TAFA5: variants seen among roughly 807,000 people sequenced by gnomAD.
TAFA5 encodes TAFA chemokine like family member 5.
A neutral mutation model predicts 15.3 loss-of-function variants in TAFA5; 6 were observed. That is an observed-to-expected ratio of 0.39 (90% confidence interval 0.21 to 0.77). TAFA5 has a LOEUF of 0.77. Ranked by LOEUF, TAFA5 falls within the 30% of genes least tolerant of loss-of-function variation. The pLI, the probability that TAFA5 is intolerant of heterozygous loss-of-function variation, is 0.41. For synonymous variants in TAFA5, 103 were observed against 80.7 expected, an observed-to-expected ratio of 1.28 and a Z score of -1.48; for missense variants, 161 against 193.1, an observed-to-expected ratio of 0.83 and a Z score of 0.98.
At chr22:48,592,179 C>T (rs755755095) in intron 1 of TAFA5, among the ~76,000 whole-genome samples, 3 of 152,210 alleles carry the variant, frequency 2.0e-5, no homozygotes, top group Admixed American at 2.0e-4. Flanking sequence ...GGTGCTGACC[C>T]TGTGCCAGTG....
intron 1 of TAFA5, among the ~76,000 whole-genome samples, chr22:48,529,711 C>T (rs987640174): frequency 2.0e-5 from 3 of 151,656 alleles, no homozygotes; most frequent in South Asian, 2.1e-4. Context: ...CAGGGGTCTC[C>T]GACCAGGCTG....
chr22:48,609,912 C>G (rs911149329), intron 1 of TAFA5, among the ~76,000 whole-genome samples: 2 of 152,242 alleles, frequency 1.3e-5, no homozygotes, highest in African/African-American at 4.8e-5. Flanking sequence ...GTGTCCTAAC[C>G]TCCTCTTGTA....
intron 2 of TAFA5, among the ~76,000 whole-genome samples, chr22:48,695,198 T>C (rs924388735): frequency 6.6e-6 from 1 of 152,100 alleles, no homozygotes; most frequent in Admixed American, 6.6e-5. Flanking sequence ...TATGTATTTG[T>C]CTGTATTAAC....
intron 1 of TAFA5, among the ~76,000 whole-genome samples, chr22:48,627,129 G>A (rs1027456995): frequency 2.6e-5 from 4 of 152,308 alleles, no homozygotes; most frequent in South Asian, 2.1e-4. Context: ...ATTTCCACTC[G>A]GCTTGGCATT....
chr22:48,638,720 G>C (rs1164452896), intron 1 of TAFA5, among the ~76,000 whole-genome samples: 9 of 130,660 alleles, frequency 6.9e-5, no homozygotes, highest in East Asian at 4.8e-4. Flanking sequence ...TGCACACAGG[G>C]GGGACCCCGA....
intron 1 of TAFA5, among the ~76,000 whole-genome samples, chr22:48,516,648 C>T (rs1921417904): frequency 6.6e-6 from 1 of 152,220 alleles, no homozygotes; most frequent in Non-Finnish European, 1.5e-5. Context: ...GCTTCATGTC[C>T]CATTGTGTCT....
intron 1 of TAFA5, chr22:48,576,696 C>T (rs1367465242): frequency 4.2e-5 from 48 of 1,134,142 alleles, no homozygotes; most frequent in Non-Finnish European, 5.2e-5. Flanking sequence ...CGTGGAGCGC[C>T]ACTGCGGGCC....
At chr22:48,564,274 G>A (rs747292049) in intron 1 of TAFA5, among the ~76,000 whole-genome samples, 4 of 152,252 alleles carry the variant, frequency 2.6e-5, no homozygotes, top group African/African-American at 7.2e-5. Flanking sequence ...CAGGTTGCGC[G>A]GATGGGAGGC....
At position 48,598,630 on chromosome 22, in the gene TAFA5, A is replaced by C. The variant is rs562607367; in HGVS notation, c.113-47967A>C. On this transcript the variant is annotated intron_variant, in intron 1 of 3. Coordinates refer to ENST00000402357, the MANE Select transcript of TAFA5 (RefSeq NM_001082967.3). This position sits in a 1 kb window ranked among gnomAD's most constrained non-coding sequence, Gnocchi z 4.0. Reference sequence around the variant, plus strand: ...TCACACTTCTGACACCAAATGTGTCAGTTTTTCACACCAACAAGTTCTCCA... The same window carrying C: ...TCACACTTCTGACACCAAATGTGTCCGTTTTTCACACCAACAAGTTCTCCA... Among the ~76,000 whole-genome samples, 1 of 152,326 alleles carries C rather than the reference A, an allele frequency of 6.6e-6. No homozygotes were observed. Among genetic ancestry groups the C allele is most frequent in the Admixed American group, 6.5e-5 (1 of 15,304 alleles).
At chr22:48,538,062 T>C (rs1316944576) in intron 1 of TAFA5, among the ~76,000 whole-genome samples, 5 of 152,020 alleles carry the variant, frequency 3.3e-5, no homozygotes, top group Non-Finnish European at 5.9e-5. Context: ...ATGCTCCGGG[T>C]TTTAGGCCGA....
Position 48,560,744 on chromosome 22 carries a change from G to T in TAFA5, c.112+71040G>T, listed in dbSNP as rs2147132089. On this transcript the variant is annotated intron_variant, in intron 1 of 3. Coordinates refer to ENST00000402357, the MANE Select transcript of TAFA5 (RefSeq NM_001082967.3). The surrounding 1 kb of genome is among the most constrained non-coding windows in gnomAD (Gnocchi z 4.2). ...CCGCCTCAGCTTCCTGAGTAGCTGG[G>T]ATTACAGGTGCTCAACACCACGCCT... Among the ~76,000 whole-genome samples, 1 of 152,190 alleles carries T rather than the reference G, an allele frequency of 6.6e-6. No homozygotes were observed. The highest frequency in any genetic ancestry group is 2.4e-5 in the African/African-American group (1 of 41,514).
chr22:48,597,560 C>A (rs1326691477), intron 1 of TAFA5, among the ~76,000 whole-genome samples: 1 of 151,804 alleles, frequency 6.6e-6, no homozygotes, highest in African/African-American at 2.4e-5. Context: ...CTACCTGCAG[C>A]CCCCTTCACC....
At chr22:48,618,160 G>A (rs1925679992) in intron 1 of TAFA5, among the ~76,000 whole-genome samples, 2 of 152,162 alleles carry the variant, frequency 1.3e-5, no homozygotes, top group Non-Finnish European at 2.9e-5. Context: ...AGTCGAGCCT[G>A]GCCAAGCCGT....
At chr22:48,662,347 G>A (rs1166207367) in intron 2 of TAFA5, among the ~76,000 whole-genome samples, 1 of 152,108 alleles carries the variant, frequency 6.6e-6, no homozygotes, top group African/African-American at 2.4e-5. Flanking sequence ...GGAAGGTGAC[G>A]GATCACTCTG....
intron 1 of TAFA5, among the ~76,000 whole-genome samples, chr22:48,504,980 G>A (rs922661008): frequency 2.0e-5 from 3 of 152,288 alleles, no homozygotes; most frequent in South Asian, 2.1e-4. Context: ...ACTGTGGATG[G>A]GCACTCCTCC....
Position 48,489,640 on chromosome 22 carries a change from G to T in TAFA5, c.48G>T (p.Leu16=), listed in dbSNP as rs780349296. ...RTGSRQDATA[L]PSMSSTFWAF... is the part of the protein sequence containing the mutation. Reference sequence around the variant, plus strand: ...GCAGCCGGCAAGATGCGACCGCCCTGCCCAGCATGTCCTCAACTTTCTGGG... The same window carrying T: ...GCAGCCGGCAAGATGCGACCGCCCTTCCCAGCATGTCCTCAACTTTCTGGG... The change falls in exon 1 of 4, where the codon CTG becomes CTT. Residue 16 remains leucine, a synonymous_variant. Coordinates refer to ENST00000402357, the MANE Select transcript of TAFA5 (RefSeq NM_001082967.3). This position sits in a 1 kb window ranked among gnomAD's most constrained non-coding sequence, Gnocchi z 5.5. 3.3e-6 allele frequency: 5 copies of T among 1,527,380 alleles called. No individual in the cohort carries two copies. The highest frequency in any genetic ancestry group is 2.8e-5 in the East Asian group (1 of 36,324). 94.6% of individuals were successfully genotyped at this position (1,527,380 alleles called of 1,614,324 possible). A position where few individuals can be genotyped will look rare whatever the true frequency, so the allele number is the denominator to read the frequency against.
chr22:48,572,725 G>T (rs1923632863), intron 1 of TAFA5, among the ~76,000 whole-genome samples: 1 of 152,126 alleles, frequency 6.6e-6, no homozygotes, highest in Admixed American at 6.5e-5. Flanking sequence ...TTAGCAAATG[G>T]TAAAAAGCCT....
intron 1 of TAFA5, among the ~76,000 whole-genome samples, chr22:48,548,001 T>C (rs948693050): frequency 6.6e-6 from 1 of 152,176 alleles, no homozygotes; most frequent in Non-Finnish European, 1.5e-5. Context: ...TGCCCTGTTG[T>C]GTGATGTGTT....
intron 1 of TAFA5, among the ~76,000 whole-genome samples, chr22:48,585,233 A>G (rs938572821): frequency 3.3e-5 from 5 of 151,442 alleles, no homozygotes; most frequent in African/African-American, 1.2e-4. Flanking sequence ...CCACAAACAT[A>G]CCACATACAC....
Sources: gnomAD v4.1 joint callset for allele counts (sites outside exome capture counted in the v4.1 genomes callset) on GRCh38, gnomAD v4.1.1 for gene constraint, Gnocchi (gnomAD v3.1) non-coding constraint, MANE v1.5 for transcripts, NCBI Gene and HGNC (gene_info 2026-07-23, HGNC 2026-07-21) for gene names.